SDK1: variants seen among roughly 807,000 people sequenced by gnomAD.
The protein encoded by SDK1 is sidekick cell adhesion molecule 1.
A neutral mutation model predicts 245.5 loss-of-function variants in SDK1; 157 were observed. The observed-to-expected ratio is 0.64, with a 90% confidence interval of 0.56 to 0.73. The LOEUF (loss-of-function observed/expected upper bound fraction) is 0.73. SDK1 is among the 30% of genes least tolerant of loss of function. The probability of loss-of-function intolerance (pLI) is 0.00; values close to 1 mark genes in which losing one functional copy is unlikely to be tolerated. For missense variants in SDK1, 3,583 were observed against 3,002.3 expected, an observed-to-expected ratio of 1.19 and a Z score of -4.52; for synonymous variants, 1,647 against 1,278.5, an observed-to-expected ratio of 1.29 and a Z score of -6.15.
intron 1 of SDK1, among the ~76,000 whole-genome samples, chr7:3,545,266 TG>T (rs1197855989): frequency 6.6e-6 from 1 of 151,992 alleles, no homozygotes; most frequent in Non-Finnish European, 1.5e-5. Context: ...AGAAGAGTCA[TG>T]GGATTGATGC....
rs536915093 is a variant in SDK1 at position 3,576,461 on chromosome 7, C to T, written c.299-42619C>T. On this transcript the variant is annotated intron_variant, in intron 1 of 44. Coordinates refer to ENST00000404826, the MANE Select transcript of SDK1 (RefSeq NM_152744.4). ...ACACAAAACATTGAGCAAAGAAGTC[C>T]CCGTTTGCAGTGGTCCAGTTAGAGA... Among the ~76,000 whole-genome samples, 172 of 152,102 alleles carry T rather than the reference C, an allele frequency of 1.1e-3. 3 individuals are homozygous for T. The highest frequency in any genetic ancestry group is 4.0e-3 in the African/African-American group (168 of 41,548).
intron 14 of SDK1, among the ~76,000 whole-genome samples, chr7:4,003,662 C>T (rs578009287): frequency 4.6e-5 from 7 of 152,358 alleles, no homozygotes; most frequent in East Asian, 1.9e-4. Context: ...ACCCTGTCAA[C>T]GTGACTCATC....
intron 1 of SDK1, among the ~76,000 whole-genome samples, chr7:3,443,161 A>G (rs1780246258): frequency 6.6e-6 from 1 of 152,096 alleles, no homozygotes; most frequent in South Asian, 2.1e-4. Context: ...TGTTCTATAT[A>G]GCAATGCAGA....
chr7:3,763,448 C>T (rs1451617982), intron 4 of SDK1, among the ~76,000 whole-genome samples: 1 of 152,178 alleles, frequency 6.6e-6, no homozygotes, highest in Admixed American at 6.5e-5. Flanking sequence ...ATATTTACTT[C>T]ATCGCATCTA....
At chr7:3,737,941 T>C (rs1221619214) in intron 4 of SDK1, among the ~76,000 whole-genome samples, 3 of 152,244 alleles carry the variant, frequency 2.0e-5, no homozygotes, top group Admixed American at 2.0e-4. Context: ...TCTTGGTTTC[T>C]GTGGTCCAAG....
chr7:3,713,509 C>A (rs1785107987), intron 4 of SDK1, among the ~76,000 whole-genome samples: 1 of 152,168 alleles, frequency 6.6e-6, no homozygotes, highest in Non-Finnish European at 1.5e-5. Context: ...ATATGTCTCT[C>A]CCCCACCCGC....
rs1174241600 is a variant in SDK1 at position 3,383,295 on chromosome 7, C to CA, written c.298+81412dup. Among the ~76,000 whole-genome samples the CA allele has an allele frequency of 4.6e-5, 7 of 152,166 alleles. No individual in the cohort carries two copies. In the South Asian group the frequency reaches 1.5e-3, roughly 32 times the overall value. On this transcript the variant is annotated intron_variant, in intron 1 of 44. Transcript: ENST00000404826. ...GTGTGGTGGCATGTGCCTGTGGTTC[C>CA]AGCTACTAGGGAGACTGAGATGGAA...
intron 1 of SDK1, among the ~76,000 whole-genome samples, chr7:3,439,111 C>T (rs868220713): frequency 6.6e-5 from 10 of 152,254 alleles, no homozygotes; most frequent in Middle Eastern, 3.4e-3. Context: ...CCTCAGCCTC[C>T]CAAAGTGCTG....
intron 14 of SDK1, among the ~76,000 whole-genome samples, chr7:3,993,205 C>T (rs535153260): frequency 1.3e-4 from 20 of 152,338 alleles, no homozygotes; most frequent in African/African-American, 4.6e-4. Context: ...CCAGTTTCCA[C>T]GGCAACCTTG....
At chr7:3,423,918 AT>A (rs762630504) in intron 1 of SDK1, among the ~76,000 whole-genome samples, 4,372 of 145,028 alleles carry the variant, frequency 0.03, 159 homozygotes, top group African/African-American at 0.091. Context: ...AACACATACT[AT>A]TTTTTTTTTT....
chr7:3,996,429 AT>A (rs1287054502), intron 14 of SDK1, among the ~76,000 whole-genome samples: 7 of 152,202 alleles, frequency 4.6e-5, no homozygotes, highest in Non-Finnish European at 8.8e-5. Flanking sequence ...TGCATTTTTA[AT>A]CATGTTAAAC....
intron 17 of SDK1, among the ~76,000 whole-genome samples, chr7:4,028,315 T>A (rs1303625271): frequency 6.6e-6 from 1 of 152,188 alleles, no homozygotes; most frequent in African/African-American, 2.4e-5. Flanking sequence ...CCCCACCAGC[T>A]GTCATAGCAG....
intron 25 of SDK1, among the ~76,000 whole-genome samples, 155 bp downstream of exon 25, chr7:4,114,429 G>C (rs1016862389): frequency 2.6e-5 from 4 of 152,140 alleles, no homozygotes; most frequent in African/African-American, 7.2e-5. Flanking sequence ...GCCAGACTCG[G>C]CAGGAATTTC....
At chr7:3,885,597 TGGTGTG>T (rs1203156080) in intron 5 of SDK1, among the ~76,000 whole-genome samples, 2 of 152,190 alleles carry the variant, frequency 1.3e-5, no homozygotes, top group African/African-American at 4.8e-5. Flanking sequence ...TCCCTCTTGA[TGGTGTG>T]GGAGAATTTC....
At chr7:3,680,422 G>A (rs921310133) in intron 4 of SDK1, among the ~76,000 whole-genome samples, 5 of 152,108 alleles carry the variant, frequency 3.3e-5, no homozygotes, top group African/African-American at 4.8e-5. Context: ...AAATGCGCAC[G>A]TGATAAAACT....
chr7:3,377,028 T>C (rs1781372316), intron 1 of SDK1, among the ~76,000 whole-genome samples: 1 of 152,202 alleles, frequency 6.6e-6, no homozygotes, highest in East Asian at 1.9e-4. Flanking sequence ...TATTCTGAAA[T>C]CGATTCTAAC....
rs1188484192 is a variant in SDK1, at chr7:3,877,126, A to G, written c.847+55543A>G. 2.6e-5 allele frequency among the ~76,000 whole-genome samples: 4 copies of G among 152,222 alleles called. No individual in the cohort carries two copies. The East Asian group carries it at 5.8e-4, about 22-fold the overall frequency. The stretch of plus-strand genomic sequence containing the variant: ...AGAGGCATGGATACAAATTCTGGCT[A>G]GGAACAGACCCCAATCCATTGGAAT... On this transcript the variant is annotated intron_variant, in intron 5 of 44. Coordinates refer to ENST00000404826, the MANE Select transcript of SDK1 (RefSeq NM_152744.4).
intron 1 of SDK1, among the ~76,000 whole-genome samples, chr7:3,576,781 C>G (rs1043160795): frequency 2.0e-5 from 3 of 151,960 alleles, no homozygotes; most frequent in African/African-American, 7.2e-5. Flanking sequence ...CATTTTGTTC[C>G]TGATGCTTCC....
At position 3,467,060 on chromosome 7, in the gene SDK1, T is replaced by C. The variant is rs1003415477; in HGVS notation, c.299-152020T>C. 4.9e-5 allele frequency among the ~76,000 whole-genome samples: 7 copies of C among 142,998 alleles called. No individual in the cohort carries two copies. The East Asian group carries it at 1.4e-3, about 29-fold the overall frequency. The allele number at this position is 142,998 out of a possible 152,430, so 93.8% of individuals were successfully genotyped here. The stretch of plus-strand genomic sequence containing the variant: ...TGTAAAACATACACATAGAAAGACT[T>C]TAAGGAAAGACATCAAAATGGTAAA... On this transcript the variant is annotated intron_variant, in intron 1 of 44. Coordinates refer to ENST00000404826, the MANE Select transcript of SDK1 (RefSeq NM_152744.4).
Sources: allele counts gnomAD v4.1 joint callset (sites outside exome capture counted in the v4.1 genomes callset), GRCh38; gene constraint gnomAD v4.1.1; transcripts MANE v1.5; gene names NCBI Gene and HGNC (gene_info 2026-07-23, HGNC 2026-07-21).